PTPN4: variants seen among roughly 807,000 people sequenced by gnomAD.
The protein encoded by PTPN4 is tyrosine-protein phosphatase non-receptor type 4.
In PTPN4, 49 loss-of-function variants were observed where a neutral mutation model predicts 135.5. That is an observed-to-expected ratio of 0.36 (90% CI 0.29 to 0.46). The LOEUF (loss-of-function observed/expected upper bound fraction) is 0.46, where lower values mean the gene tolerates loss of function less well. Among genes scored for constraint, PTPN4 ranks in the 20% least tolerant of loss-of-function variants. The pLI, the probability that PTPN4 is intolerant of heterozygous loss-of-function variation, is 1.00. For synonymous variants in PTPN4, 333 were observed against 369.9 expected (o/e 0.90, Z 1.14); for missense variants, 860 against 1,101.0 (o/e 0.78, Z 3.10).
intron 1 of PTPN4, among the ~76,000 whole-genome samples, chr2:119,805,603 A>T (rs1371199086): frequency 1.3e-5 from 2 of 151,980 alleles, no homozygotes; most frequent in African/African-American, 4.8e-5. Context: ...ATGTGTGGTG[A>T]TATTTCTGAG....
chr2:119,775,447 G>A lies in PTPN4; in HGVS notation c.-18+15063G>A, dbSNP rs142086192. On this transcript the variant is annotated intron_variant, in intron 1 of 26. Transcript: ENST00000263708. ...CTTTTGATGTTGGACAATGCCGCTG[G>A]CCACCCGGAACCCTGTGAGTTTAAC... Among the ~76,000 whole-genome samples the A allele has an allele frequency of 2.6e-4, 39 of 152,294 alleles. No homozygotes were observed. The East Asian group carries it at 6.6e-3, about 26-fold the overall frequency.
intron 2 of PTPN4, among the ~76,000 whole-genome samples, chr2:119,811,547 C>T (rs1051362894): frequency 2.0e-5 from 3 of 152,060 alleles, no homozygotes; most frequent in African/African-American, 7.2e-5. Flanking sequence ...AATTCTACTT[C>T]GTACAAATTT....
At position 119,979,897 on chromosome 2, in the gene PTPN4, A is replaced by G. The variant is rs1052099521; in HGVS notation, c.*2827A>G. The G allele has an allele frequency of 6.6e-6, 1 of 152,068 alleles. No individual in the cohort carries two copies. Among genetic ancestry groups the G allele is most frequent in the Non-Finnish European group, 1.5e-5 (1 of 67,938 alleles). 9.4% of individuals were successfully genotyped at this position (152,068 alleles called of 1,614,324 possible). A position where few individuals can be genotyped will look rare whatever the true frequency, so the allele number is the denominator to read the frequency against. On this transcript the variant is annotated 3_prime_UTR_variant, in exon 27 of 27. Coordinates refer to ENST00000263708, the MANE Select transcript of PTPN4 (RefSeq NM_002830.4). ...TGTGAAAACCTTCCCTTTCTGAGTTAGGATTGTTTTTTCCTGTTCATTTCA... is the reference window on the plus strand; with the variant it reads ...TGTGAAAACCTTCCCTTTCTGAGTTGGGATTGTTTTTTCCTGTTCATTTCA...
At chr2:119,960,773 A>G (rs2105058565) in intron 22 of PTPN4, 34 bp from the exon 23 acceptor site, 1 of 1,598,730 alleles carries the variant, frequency 6.3e-7, no homozygotes, top group Non-Finnish European at 8.5e-7. Context: ...AAAGTAATGC[A>G]AAACATTTTA....
At chr2:119,877,584 C>T (rs202067739) in intron 5 of PTPN4, 42 bp downstream of exon 5, 1 of 1,550,014 alleles carries the variant, frequency 6.5e-7, no homozygotes, top group East Asian at 2.3e-5. Context: ...ATTGTCAAAA[C>T]TCTAATATGA....
chr2:119,959,215 A>G (rs536270044), intron 22 of PTPN4, among the ~76,000 whole-genome samples: 1 of 149,808 alleles, frequency 6.7e-6, no homozygotes, highest in East Asian at 2.0e-4. Context: ...AGGATTAGCT[A>G]CTTAGGAATA....
At chr2:119,766,481 TGTC>T (rs1690631401) in intron 1 of PTPN4, among the ~76,000 whole-genome samples, 2 of 116,248 alleles carry the variant, frequency 1.7e-5, no homozygotes, top group Non-Finnish European at 3.5e-5. Context: ...TGTGTGTGTG[TGTC>T]TGTGTGTGTG....
chr2:119,951,873 G>A (rs1679216209), intron 18 of PTPN4, 100 bp from the exon 19 acceptor site: 1 of 928,670 alleles, frequency 1.1e-6, no homozygotes, highest in Non-Finnish European at 1.5e-6. Flanking sequence ...TCTATATGTA[G>A]TTTAGTTCTC....
At chr2:119,970,338 G>C (rs1253279416) in intron 26 of PTPN4, among the ~76,000 whole-genome samples, 1 of 152,102 alleles carries the variant, frequency 6.6e-6, no homozygotes, top group Non-Finnish European at 1.5e-5. Context: ...GGGATTACAG[G>C]CATGAGCCAC....
intron 2 of PTPN4, among the ~76,000 whole-genome samples, chr2:119,814,665 C>T (rs183010500): frequency 6.6e-6 from 1 of 152,140 alleles, no homozygotes; most frequent in Non-Finnish European, 1.5e-5. Context: ...TCATTACTAA[C>T]TATACCTACA....
Position 119,968,808 on chromosome 2 carries a change from C to T in PTPN4, c.2694+836C>T, listed in dbSNP as rs370364884. 9.2e-5 allele frequency among the ~76,000 whole-genome samples: 14 copies of T among 151,992 alleles called. No individual in the cohort carries two copies. The East Asian group carries it at 1.5e-3, about 17-fold the overall frequency. The stretch of plus-strand genomic sequence containing the variant: ...CTCAGTCTCAAAAAAAAAGAACTTA[C>T]GTTGCAACAACAAAAATTACAGAAA... On this transcript the variant is annotated intron_variant, in intron 26 of 26. Coordinates refer to ENST00000263708, the MANE Select transcript of PTPN4 (RefSeq NM_002830.4).
intron 1 of PTPN4, among the ~76,000 whole-genome samples, chr2:119,789,095 T>C (rs1691094568): frequency 1.3e-5 from 2 of 152,130 alleles, no homozygotes; most frequent in African/African-American, 2.4e-5. Context: ...TTTTTTCTTT[T>C]TTTTTTTTTA....
rs55911315 is a variant in PTPN4 at position 119,914,248 on chromosome 2, ATTTTTTTT to A, written c.765-910_765-903del. Reference sequence around the variant, plus strand: ...CATAAATACAGTCAATAGTTACTCAATTTTTTTTTTTTTTTTTTTTTTTTTTTTGCTTC... The same window carrying A: ...CATAAATACAGTCAATAGTTACTCAATTTTTTTTTTTTTTTTTTTTGCTTC... On this transcript the variant is annotated intron_variant, in intron 10 of 26. Transcript: ENST00000263708. Among the ~76,000 whole-genome samples, 441 of 97,410 alleles carry A rather than the reference ATTTTTTTT, an allele frequency of 4.5e-3. 2 individuals are homozygous for A. The highest frequency in any genetic ancestry group is 6.1e-3 in the Non-Finnish European group (328 of 54,050). The allele number at this position is 97,410 out of a possible 152,430, so 63.9% of individuals were successfully genotyped here.
rs183148105 is a variant in PTPN4 at position 119,793,690 on chromosome 2, T to C, written c.-17-16147T>C. ...TATTAATTTGGGGAACTAATAAATG[T>C]CCATGAAATCTTCACAATTTGTGTT... On this transcript the variant is annotated intron_variant, in intron 1 of 26. Coordinates refer to ENST00000263708, the MANE Select transcript of PTPN4 (RefSeq NM_002830.4). 2.3e-3 allele frequency among the ~76,000 whole-genome samples: 344 copies of C among 152,254 alleles called. 1 individual carries two copies. The highest frequency in any genetic ancestry group is 8.1e-3 in the African/African-American group (335 of 41,544).
chr2:119,822,539 A>G (rs1186697127), intron 2 of PTPN4, among the ~76,000 whole-genome samples: 2 of 151,966 alleles, frequency 1.3e-5, no homozygotes, highest in African/African-American at 4.8e-5. Flanking sequence ...TTATATTTTT[A>G]GTAGAGACGG....
chr2:119,916,550 T>G (rs1319563187), intron 11 of PTPN4: 1 of 152,144 alleles, frequency 6.6e-6, no homozygotes, highest in Non-Finnish European at 1.5e-5. Context: ...CTTGATGAAG[T>G]GAACATATCC....
chr2:119,853,723 AATAGGCTTTT>A (rs1677631310), intron 2 of PTPN4, among the ~76,000 whole-genome samples: 1 of 152,180 alleles, frequency 6.6e-6, no homozygotes, highest in Non-Finnish European at 1.5e-5. Flanking sequence ...TAAAGAGAAG[AATAGGCTTTT>A]TTATTTACTT....
intron 2 of PTPN4, among the ~76,000 whole-genome samples, chr2:119,817,293 C>T (rs1447237320): frequency 6.6e-6 from 1 of 150,894 alleles, no homozygotes; most frequent in Non-Finnish European, 1.5e-5. Flanking sequence ...CCAGTTATGC[C>T]AGCACCATTT....
chr2:119,889,398 C>T (rs567976100), intron 9 of PTPN4, among the ~76,000 whole-genome samples: 20 of 152,036 alleles, frequency 1.3e-4, no homozygotes, highest in South Asian at 1.0e-3. Flanking sequence ...CCAGCCTGGG[C>T]GACAGAGAGA....
Sources: allele counts gnomAD v4.1 joint callset (sites outside exome capture counted in the v4.1 genomes callset), GRCh38; gene constraint gnomAD v4.1.1; transcripts MANE v1.5; gene names NCBI Gene and HGNC (gene_info 2026-07-23, HGNC 2026-07-21).